The following ABCA1 variants were observed in gnomAD, a reference collection of about 807,000 sequenced individuals.
ABCA1 encodes the protein ATP binding cassette subfamily A member 1, also known as phospholipid-transporting ATPase ABCA1.
In ABCA1, 133 loss-of-function variants were observed where a neutral mutation model predicts 262.5. That is an observed-to-expected ratio of 0.51 (90% CI 0.44 to 0.59). The LOEUF (loss-of-function observed/expected upper bound fraction) is 0.59, where lower values mean the gene tolerates loss of function less well. ABCA1 is among the 20% of genes least tolerant of loss of function. ABCA1 has a pLI of 0.00. For missense variants in ABCA1, 2,452 were observed against 2,777.5 expected, an observed-to-expected ratio of 0.88 and a Z score of 2.63; for synonymous variants, 1,022 against 1,043.5, an observed-to-expected ratio of 0.98 and a Z score of 0.40.
chr9:104,895,560 A>T (rs540750510), intron 2 of ABCA1, among the ~76,000 whole-genome samples: 1 of 152,334 alleles, frequency 6.6e-6, no homozygotes, highest in South Asian at 2.1e-4. Flanking sequence ...CCACTGCTCT[A>T]GAGTTATTAT....
chr9:104,914,088 C>T (rs1478390662), intron 1 of ABCA1, among the ~76,000 whole-genome samples: 1 of 151,872 alleles, frequency 6.6e-6, no homozygotes, highest in Non-Finnish European at 1.5e-5. Context: ...CGTGAGCCAC[C>T]GCACCCGGCC....
chr9:104,887,234 C>T (rs561583694), intron 3 of ABCA1, among the ~76,000 whole-genome samples: 36 of 152,192 alleles, frequency 2.4e-4, no homozygotes, highest in Non-Finnish European at 4.7e-4. Context: ...GCGGAGATTG[C>T]ACTACTGCAC....
chr9:104,790,877 A>C (rs201983749), intron 44 of ABCA1, 45 bp downstream of exon 44: 1 of 1,321,774 alleles, frequency 7.6e-7, no homozygotes, highest in East Asian at 2.3e-5. Context: ...AAATAAATTA[A>C]AAACAAAGTC....
In ABCA1 at chr9:104,821,375, A is replaced by C; in HGVS notation, c.2960T>G (p.Met987Arg). The C allele has an allele frequency of 6.2e-7, 1 of 1,614,118 alleles. No individual in the cohort carries two copies. Among genetic ancestry groups the C allele is most frequent in the Non-Finnish European group, 8.5e-7 (1 of 1,180,024 alleles). ...TTCTTAACGTGCTGCTGGTACTCACATGTCAAACAGCACGTTATGCTGGGG... is the reference window on the plus strand; with the variant it reads ...TTCTTAACGTGCTGCTGGTACTCACCTGTCAAACAGCACGTTATGCTGGGG... ...VCPQHNVLFD[M>R]LTVEEHIWFY... The change falls in exon 20 of 50, where the codon ATG becomes AGG. Residue 987 changes from methionine (M) to arginine (R), a missense_variant and splice_region_variant. Coordinates refer to ENST00000374736, the MANE Select transcript of ABCA1 (RefSeq NM_005502.4).
intron 5 of ABCA1, among the ~76,000 whole-genome samples, chr9:104,870,968 C>T (rs4742926): frequency 0.28 from 42,057 of 151,756 alleles, 6,430 homozygotes; most frequent in African/African-American, 0.41. Flanking sequence ...AATGGTGGAA[C>T]GTCATCAGTT....
chr9:104,927,008 T>G (rs12347784), intron 1 of ABCA1, among the ~76,000 whole-genome samples: 12,326 of 151,934 alleles, frequency 0.081, 532 homozygotes, highest in South Asian at 0.13. Flanking sequence ...GGTCGAGGGT[T>G]CGAGACCAGC....
chr9:104,788,347 A>G, intron 45 of ABCA1, 79 bp downstream of exon 45: 1 of 1,597,246 alleles, frequency 6.3e-7, no homozygotes, highest in South Asian at 1.1e-5. Flanking sequence ...GCCTGAAGTC[A>G]ATGCGTGTGG....
chr9:104,802,906 C>T (rs1937520844), intron 33 of ABCA1, among the ~76,000 whole-genome samples: 1 of 152,128 alleles, frequency 6.6e-6, no homozygotes, highest in African/African-American at 2.4e-5. Flanking sequence ...TAAGAAGCCT[C>T]GGGAATCTGG....
At chr9:104,891,841 T>G (rs1213284760) in intron 2 of ABCA1, among the ~76,000 whole-genome samples, 1 of 151,554 alleles carries the variant, frequency 6.6e-6, no homozygotes, top group East Asian at 1.9e-4. Flanking sequence ...GGTGCATGCC[T>G]GTACTCCCAG....
intron 2 of ABCA1, among the ~76,000 whole-genome samples, chr9:104,896,647 C>T (rs1254963644): frequency 2.0e-5 from 3 of 147,648 alleles, no homozygotes; most frequent in Non-Finnish European, 4.4e-5. Context: ...GCTCTATCAG[C>T]ACCAAAACTA....
rs554749385 is a variant in ABCA1, at chr9:104,871,506, C to T, written c.422-9706G>A. Reference sequence around the variant, plus strand: ...GATGTCCTGGTCACACTGGCCAGGGCGTGGAAGGGCACAGTCAGCCTGGCT... The same window carrying T: ...GATGTCCTGGTCACACTGGCCAGGGTGTGGAAGGGCACAGTCAGCCTGGCT... On this transcript the variant is annotated intron_variant, in intron 5 of 49. Transcript: ENST00000374736. Among the ~76,000 whole-genome samples the T allele has an allele frequency of 7.9e-5, 12 of 152,108 alleles. No homozygotes were observed. In the East Asian group the frequency reaches 2.1e-3, roughly 27 times the overall value.
intron 9 of ABCA1, among the ~76,000 whole-genome samples, 163 bp downstream of exon 9, chr9:104,840,116 A>G (rs1295598999): frequency 6.6e-6 from 1 of 152,196 alleles, no homozygotes; most frequent in Non-Finnish European, 1.5e-5. Flanking sequence ...ACAGGTAGCT[A>G]TTCAAGAGAA....
At chr9:104,824,996 T>A (rs1262117853) in intron 17 of ABCA1, among the ~76,000 whole-genome samples, 3 of 152,210 alleles carry the variant, frequency 2.0e-5, no homozygotes, top group Non-Finnish European at 4.4e-5. Flanking sequence ...CCAAAAAGGG[T>A]TAAATCTTGC....
intron 23 of ABCA1, 76 bp downstream of exon 23, chr9:104,818,587 T>C: frequency 2.9e-6 from 4 of 1,383,420 alleles, no homozygotes; most frequent in South Asian, 1.2e-5. Context: ...GGGGTGGAGA[T>C]GGAGAAATCA....
chr9:104,858,458 G>C, intron 7 of ABCA1, 64 bp downstream of exon 7: 1 of 1,538,338 alleles, frequency 6.5e-7, no homozygotes, highest in South Asian at 1.1e-5. Context: ...TGCTGTCCAA[G>C]GAAAAGCCTC....
At chr9:104,886,198 T>G (rs115658781) in intron 3 of ABCA1, among the ~76,000 whole-genome samples, 31,822 of 152,072 alleles carry the variant, frequency 0.21, 3,477 homozygotes, top group South Asian at 0.37. Flanking sequence ...GGAACACTCC[T>G]TCCATCTCAC....
At chr9:104,804,841 G>T (rs1057272363) in intron 31 of ABCA1, 121 bp from the exon 32 acceptor site, 1 of 837,654 alleles carries the variant, frequency 1.2e-6, no homozygotes, top group Non-Finnish European at 2.1e-6. Flanking sequence ...ACAGGTCCCA[G>T]ACACTGCCCT....
chr9:104,800,644 C>T (rs932544702), intron 34 of ABCA1, 60 bp from the exon 35 acceptor site: 1 of 1,486,886 alleles, frequency 6.7e-7, no homozygotes, highest in African/African-American at 1.4e-5. Flanking sequence ...GGGCAACAGT[C>T]AATCTGGAAC....
At chr9:104,886,047 G>T (rs76549234) in intron 3 of ABCA1, among the ~76,000 whole-genome samples, 6 of 152,196 alleles carry the variant, frequency 3.9e-5, no homozygotes, top group African/African-American at 1.4e-4. Flanking sequence ...GCTGTGGTGA[G>T]CATCGCATGA....
Sources: gnomAD v4.1 joint callset for allele counts (sites outside exome capture counted in the v4.1 genomes callset) on GRCh38, gnomAD v4.1.1 for gene constraint, MANE v1.5 for transcripts, NCBI Gene and HGNC (gene_info 2026-07-23, HGNC 2026-07-21) for gene names.